Variants in PTK2 observed in about 807,000 individuals in gnomAD.
The protein encoded by PTK2 is focal adhesion kinase 1.
A neutral mutation model predicts 150.1 loss-of-function variants in PTK2; 45 were observed. That is an observed-to-expected ratio of 0.30 (90% confidence interval 0.24 to 0.38). The LOEUF (loss-of-function observed/expected upper bound fraction) is 0.38, where lower values mean the gene tolerates loss of function less well. Among genes scored for constraint, PTK2 ranks in the 10% least tolerant of loss-of-function variants. The pLI is 1.00. For synonymous variants in PTK2, 432 were observed against 449.2 expected, an observed-to-expected ratio of 0.96 and a Z score of 0.48; for missense variants, 919 against 1,307.3, an observed-to-expected ratio of 0.70 and a Z score of 4.58.
chr8:140,995,452 G>A (rs1291628688), intron 1 of PTK2, among the ~76,000 whole-genome samples: 2 of 150,834 alleles, frequency 1.3e-5, no homozygotes, highest in African/African-American at 2.4e-5. Context: ...GAAGAGTCCC[G>A]CCTATCTCAC....
In PTK2 at chr8:140,744,736, C is replaced by G. The variant is rs146511319; in HGVS notation, c.1550G>C (p.Ser517Thr). ...CAGGATCAAAGATGCTAGATCCAAA[C>G]TGTATTTCCTTACTTGCAAAAATGA... Residue 517 changes from serine (S) to threonine (T), a missense_variant, in exon 19 of 32, where the codon AGT (serine) becomes ACT (threonine). Coordinates refer to ENST00000522684, the Ensembl canonical transcript of PTK2. 5.2e-5 allele frequency: 83 copies of G among 1,599,146 alleles called. No homozygotes were observed. The African/African-American group carries it at 1.0e-3, about 20-fold the overall frequency.
intron 26 of PTK2, among the ~76,000 whole-genome samples, chr8:140,697,852 GTTTTTTTTTTTTTTTTT>G (rs71308981): frequency 1.0e-4 from 5 of 47,968 alleles, no homozygotes; most frequent in Admixed American, 3.4e-4. Flanking sequence ...AGGGTTTACT[GTTTTTTTTTTTTTTTTT>G]TTTTTTTTTT....
chr8:140,927,968 AAAAAAAAAT>A (rs1295518045), intron 1 of PTK2, among the ~76,000 whole-genome samples: 1 of 92,092 alleles, frequency 1.1e-5, no homozygotes, highest in African/African-American at 4.3e-5. Flanking sequence ...GAAAAAAAAA[AAAAAAAAAT>A]ATATATATAT....
chr8:140,974,991 G>C (rs1268926101), intron 1 of PTK2, among the ~76,000 whole-genome samples: 1 of 152,100 alleles, frequency 6.6e-6, no homozygotes, highest in Non-Finnish European at 1.5e-5. Flanking sequence ...ACTTAGTCAC[G>C]CCTGTAGATG....
At chr8:140,901,048 A>G (rs1461743471) in intron 2 of PTK2, among the ~76,000 whole-genome samples, 2 of 152,236 alleles carry the variant, frequency 1.3e-5, no homozygotes, top group Non-Finnish European at 2.9e-5. Context: ...TGGTACAGGC[A>G]TAAAAACACA....
intron 5 of PTK2, among the ~76,000 whole-genome samples, chr8:140,858,063 G>C (rs1001413262): frequency 1.3e-5 from 2 of 151,836 alleles, no homozygotes; most frequent in Non-Finnish European, 2.9e-5. Flanking sequence ...AAATAATAAG[G>C]GCCATACAAA....
chr8:140,688,825 A>G (rs2100021466), intron 26 of PTK2, among the ~76,000 whole-genome samples: 1 of 152,224 alleles, frequency 6.6e-6, no homozygotes, highest in Non-Finnish European at 1.5e-5. Context: ...GTACTATAAT[A>G]TCAAGGAACA....
rs550630501 is a variant in PTK2, at chr8:140,945,679, C to T, written c.-121-19930G>A. ...TAAACTTTTTTAAAGCTCCTCAGGGCCTGATTGTCACAATTCCCATTTAAA... is the reference window on the plus strand; with the variant it reads ...TAAACTTTTTTAAAGCTCCTCAGGGTCTGATTGTCACAATTCCCATTTAAA... On this transcript the variant is annotated intron_variant, in intron 1 of 31. Coordinates refer to ENST00000522684, the Ensembl canonical transcript of PTK2. 2.6e-5 allele frequency among the ~76,000 whole-genome samples: 4 copies of T among 152,140 alleles called. No homozygotes were observed. The South Asian group carries it at 8.3e-4, about 32-fold the overall frequency.
intron 13 of PTK2, among the ~76,000 whole-genome samples, chr8:140,791,356 A>G (rs1019082245): frequency 3.3e-5 from 5 of 152,158 alleles, no homozygotes; most frequent in African/African-American, 1.2e-4. Flanking sequence ...TTTTAATCCA[A>G]AATTATCCCT....
intron 1 of PTK2, among the ~76,000 whole-genome samples, chr8:140,996,256 TACAG>T (rs1256741384): frequency 2.6e-5 from 4 of 152,124 alleles, no homozygotes; most frequent in African/African-American, 7.2e-5. Flanking sequence ...GTGAGGAAGC[TACAG>T]AAAAGCTGGA....
chr8:140,895,794 T>G (rs1415143338), intron 2 of PTK2, among the ~76,000 whole-genome samples: 1 of 152,186 alleles, frequency 6.6e-6, no homozygotes, highest in African/African-American at 2.4e-5. Context: ...GTGATTATTA[T>G]GCACTGTATG....
At chr8:140,681,129 C>T (rs1296591062) in intron 27 of PTK2, among the ~76,000 whole-genome samples, 1 of 151,854 alleles carries the variant, frequency 6.6e-6, no homozygotes, top group East Asian at 1.9e-4. Context: ...CTTTGGGAGG[C>T]CAAGGCGAGT....
chr8:140,724,825 T>C (rs1236742438), intron 22 of PTK2, among the ~76,000 whole-genome samples: 2 of 152,212 alleles, frequency 1.3e-5, no homozygotes, highest in African/African-American at 2.4e-5. Flanking sequence ...AGAAAACAAG[T>C]CTGAGGTTTG....
intron 4 of PTK2, among the ~76,000 whole-genome samples, chr8:140,870,514 T>C (rs1383598156): frequency 6.6e-6 from 1 of 152,094 alleles, no homozygotes; most frequent in Non-Finnish European, 1.5e-5. Flanking sequence ...AGAGTAAGAA[T>C]TAACTTAGTA....
intron 7 of PTK2, among the ~76,000 whole-genome samples, chr8:140,844,916 C>T (rs1291611019): frequency 6.6e-6 from 1 of 152,142 alleles, no homozygotes; most frequent in Non-Finnish European, 1.5e-5. Flanking sequence ...TCTCCTCAAG[C>T]ACACTCCTTT....
At chr8:140,848,337 C>T (rs2100126943) in intron 5 of PTK2, among the ~76,000 whole-genome samples, 1 of 152,204 alleles carries the variant, frequency 6.6e-6, no homozygotes, top group South Asian at 2.1e-4. Flanking sequence ...ATTCCCTCAA[C>T]CAGCAGTGGA....
intron 1 of PTK2, among the ~76,000 whole-genome samples, chr8:140,962,469 ACT>A (rs2100183658): frequency 6.6e-6 from 1 of 151,992 alleles, no homozygotes; most frequent in South Asian, 2.1e-4. Flanking sequence ...AAACACACAT[ACT>A]CTGTGAGGGG....
chr8:140,725,169 T>C (rs956199943), intron 22 of PTK2, among the ~76,000 whole-genome samples: 1 of 152,214 alleles, frequency 6.6e-6, no homozygotes, highest in East Asian at 1.9e-4. Context: ...GGTTTTGCTC[T>C]GTCACCCAGG....
intron 2 of PTK2, among the ~76,000 whole-genome samples, chr8:140,896,302 A>G (rs529672851): frequency 2.6e-5 from 4 of 152,316 alleles, no homozygotes; most frequent in Admixed American, 1.3e-4. Context: ...TTGTTTTATG[A>G]CACCTGCAGA....
Sources: gnomAD v4.1 joint callset for allele counts (sites outside exome capture counted in the v4.1 genomes callset) on GRCh38, gnomAD v4.1.1 for gene constraint, MANE v1.5 for transcripts, NCBI Gene and HGNC (gene_info 2026-07-23, HGNC 2026-07-21) for gene names.